Variants in HK1 observed in about 807,000 individuals in gnomAD.
HK1 encodes hexokinase-1.
A neutral mutation model predicts 91.6 loss-of-function variants in HK1; 28 were observed. The observed-to-expected ratio is 0.31, with a 90% CI of 0.23 to 0.42. The LOEUF (loss-of-function observed/expected upper bound fraction) is 0.42. HK1 is among the 10% of genes least tolerant of loss of function. The pLI is 1.00. For synonymous variants in HK1, 430 were observed against 468.1 expected, an observed-to-expected ratio of 0.92 and a Z score of 1.05; for missense variants, 770 against 1,219.8, an observed-to-expected ratio of 0.63 and a Z score of 5.49.
At chr10:69,335,928 G>T (rs1008034977) in intron 1 of HK1, among the ~76,000 whole-genome samples, 20 of 152,164 alleles carry the variant, frequency 1.3e-4, no homozygotes, top group Admixed American at 6.5e-5. Flanking sequence ...CAGGAAATAG[G>T]AAGCGGGAAG....
In HK1 at chr10:69,343,874, A is replaced by G; in HGVS notation, c.111A>G (p.Ile37Met). The change falls in exon 2 of 18, where the codon ATA becomes ATG. Residue 37 changes from isoleucine to methionine, a missense_variant. Physicochemically the swap from Ile to Met is conservative, Grantham distance 10. Around this residue, in one of 7 missense-constraint regions of HK1, gnomAD observed 449 missense variants for 665.1 expected, o/e 0.68. Transcript: ENST00000359426. ...YAMRLSDETLIDIMTRFRKEM... is the reference protein window; with the variant it reads ...YAMRLSDETLMDIMTRFRKEM... ...TGCGGCTCTCCGATGAAACTCTCAT[A>G]GATATCATGACTCGCTTCAGGAAGG... The G allele has an allele frequency of 6.2e-7, 1 of 1,613,924 alleles. No individual in the cohort carries two copies. The highest frequency in any genetic ancestry group is 1.1e-5 in the South Asian group (1 of 91,078).
intron 1 of HK1, 200 bp downstream of exon 1, chr10:69,319,210 G>A (rs1846861077): frequency 7.3e-6 from 5 of 682,152 alleles, no homozygotes; most frequent in South Asian, 7.1e-5. Flanking sequence ...GTTTTTGGGA[G>A]GGGGGCAATC....
chr10:69,336,806 AT>A (rs560536878), intron 1 of HK1, among the ~76,000 whole-genome samples: 1 of 150,812 alleles, frequency 6.6e-6, no homozygotes, highest in Non-Finnish European at 1.5e-5. Flanking sequence ...CACCCGGCTA[AT>A]TTTTTTTGTA....
rs376681146 is a variant in HK1, at chr10:69,335,132, G to A, written c.64-8695G>A. On this transcript the variant is annotated intron_variant, in intron 1 of 17. Coordinates refer to ENST00000359426, the MANE Select transcript of HK1 (RefSeq NM_000188.3). The stretch of plus-strand genomic sequence containing the variant: ...CCTCCCTGCTCAGAGACCGGCTGCC[G>A]AGAGCAGGACAGAAACTAGGTTCCC... 6.2e-4 allele frequency among the ~76,000 whole-genome samples: 95 copies of A among 152,280 alleles called. 1 individual carries two copies. Among genetic ancestry groups the A allele is most frequent in the African/African-American group, 2.0e-3 (82 of 41,560 alleles).
chr10:69,355,439 G>A (rs1849080762), intron 2 of HK1, among the ~76,000 whole-genome samples: 1 of 152,200 alleles, frequency 6.6e-6, no homozygotes, highest in African/African-American at 2.4e-5. Flanking sequence ...CAAGACATGT[G>A]GTACTGGCAT....
chr10:69,393,042 C>T (rs773706918), intron 15 of HK1, among the ~76,000 whole-genome samples: 2 of 152,224 alleles, frequency 1.3e-5, no homozygotes, highest in Non-Finnish European at 2.9e-5. Flanking sequence ...AGTGCAATGG[C>T]GTGATCTCGG....
chr10:69,392,333 A>G (rs1341625533), intron 15 of HK1, 25 bp downstream of exon 15: 2 of 1,613,298 alleles, frequency 1.2e-6, no homozygotes, highest in Non-Finnish European at 1.7e-6. Context: ...TGGAGAGGAC[A>G]CTCACAGTCA....
chr10:69,311,213 G>C (rs1429466236), upstream of HK1, among the ~76,000 whole-genome samples: 1 of 152,194 alleles, frequency 6.6e-6, no homozygotes, highest in Non-Finnish European at 1.5e-5. Flanking sequence ...ATGCTGGTCG[G>C]ATGGGACTGA....
chr10:69,393,418 T>G (rs1839997778), intron 15 of HK1, among the ~76,000 whole-genome samples: 1 of 151,954 alleles, frequency 6.6e-6, no homozygotes, highest in Admixed American at 6.6e-5. Context: ...TGCCTCAGCC[T>G]CCCAGGTAGC....
In HK1 at chr10:69,394,933, CCCT is replaced by C. The variant is rs1447784585; in HGVS notation, c.2220-10_2220-8del. On this transcript the variant is annotated splice_polypyrimidine_tract_variant and intron_variant, in intron 15 of 17. Coordinates refer to ENST00000359426, the MANE Select transcript of HK1 (RefSeq NM_000188.3). ...GCCACTTCCCATAGACACCCCAGGC[CCCT>C]CCTCCTGTCTCAGGTATGAGAAGAT... 1 of 1,613,774 alleles carries C rather than the reference CCCT, an allele frequency of 6.2e-7. No homozygotes were observed. Among genetic ancestry groups the C allele is most frequent in the East Asian group, 2.2e-5 (1 of 44,884 alleles).
intron 2 of HK1, among the ~76,000 whole-genome samples, 195 bp from the exon 3 acceptor site, chr10:69,359,702 G>A (rs1229427602): frequency 1.3e-5 from 2 of 152,228 alleles, no homozygotes; most frequent in Non-Finnish European, 2.9e-5. Context: ...TCTGGGGTAG[G>A]ATAGGGTTTC....
Position 69,382,809 on chromosome 10 carries a change from G to T in HK1, c.1570+18G>T. 1 of 1,606,136 alleles carries T rather than the reference G, an allele frequency of 6.2e-7. No homozygotes were observed. The highest frequency in any genetic ancestry group is 8.5e-7 in the Non-Finnish European group (1 of 1,177,398). On this transcript the variant is annotated intron_variant, in intron 10 of 17. Coordinates refer to ENST00000359426, the MANE Select transcript of HK1 (RefSeq NM_000188.3). ...CGGGACCGGTGAGGGCCTGCTGGGG[G>T]CTGACATGCCTGTCCTGCTCCTGCC...
chr10:69,383,331 T>G (rs987292649), intron 10 of HK1, among the ~76,000 whole-genome samples: 1 of 152,222 alleles, frequency 6.6e-6, no homozygotes. Context: ...ATTCAGGGCC[T>G]GGGGAGTTTC....
intron 14 of HK1, 89 bp from the exon 15 acceptor site, chr10:69,392,036 G>A: frequency 7.5e-7 from 1 of 1,342,004 alleles, no homozygotes; most frequent in South Asian, 1.2e-5. Flanking sequence ...CCCCCTGCCT[G>A]TGGAACCTCA....
At chr10:69,313,760 G>GT (rs1846499016), upstream of HK1, among the ~76,000 whole-genome samples, 1 of 152,196 alleles carries the variant, frequency 6.6e-6, no homozygotes, top group South Asian at 2.1e-4. Context: ...CTCCCAAAGT[G>GT]CTGGGATTAC....
At chr10:69,350,662 A>T (rs1343710423) in intron 2 of HK1, among the ~76,000 whole-genome samples, 7 of 152,042 alleles carry the variant, frequency 4.6e-5, no homozygotes, top group Non-Finnish European at 2.9e-5. Flanking sequence ...ACTCCATCTC[A>T]AAAAAACAAA....
At chr10:69,300,229 A>G (rs144681971) in intron 4 of HK1, among the ~76,000 whole-genome samples, 1 of 151,774 alleles carries the variant, frequency 6.6e-6, no homozygotes, top group South Asian at 2.1e-4. Flanking sequence ...TCCTGTCCTG[A>G]CAGTATCACT....
At chr10:69,399,093 G>T (rs772763666) in intron 17 of HK1, among the ~76,000 whole-genome samples, 18 of 152,190 alleles carry the variant, frequency 1.2e-4, no homozygotes, top group Non-Finnish European at 2.1e-4. Context: ...CACTCCTCCT[G>T]GTCCCCCTTA....
intron 9 of HK1, among the ~76,000 whole-genome samples, chr10:69,381,047 A>G (rs1194366588): frequency 6.6e-6 from 1 of 152,198 alleles, no homozygotes; most frequent in Non-Finnish European, 1.5e-5. Flanking sequence ...TCACACTTGT[A>G]ATCCCAGCAC....
Sources: allele counts gnomAD v4.1 joint callset (sites outside exome capture counted in the v4.1 genomes callset), GRCh38; gene constraint gnomAD v4.1.1; regional missense constraint gnomAD v4.1.1; transcripts MANE v1.5; gene names NCBI Gene and HGNC (gene_info 2026-07-23, HGNC 2026-07-21).